DOCK9: variants seen among roughly 807,000 people sequenced by gnomAD.
The protein encoded by DOCK9 is dedicator of cytokinesis 9.
DOCK9 carries 89 observed loss-of-function variants against 263.3 expected under a neutral mutation model. That is an observed-to-expected ratio of 0.34 (90% CI 0.28 to 0.40). The LOEUF is 0.40. Ranked by LOEUF, DOCK9 falls within the 10% of genes least tolerant of loss-of-function variation. The probability of loss-of-function intolerance (pLI) is 1.00; values close to 1 mark genes in which losing one functional copy is unlikely to be tolerated. For missense variants in DOCK9, 2,140 were observed against 2,603.4 expected, an observed-to-expected ratio of 0.82 and a Z score of 3.87; for synonymous variants, 976 against 973.1, an observed-to-expected ratio of 1.00 and a Z score of -0.06.
intron 1 of DOCK9, among the ~76,000 whole-genome samples, chr13:99,010,243 C>G (rs1163293909): frequency 6.6e-6 from 1 of 152,194 alleles, no homozygotes. Flanking sequence ...TGAGAATAAT[C>G]CATCAGCTCT....
chr13:99,057,152 C>T (rs1031825411), intron 1 of DOCK9, among the ~76,000 whole-genome samples: 1 of 152,138 alleles, frequency 6.6e-6, no homozygotes, highest in East Asian at 1.9e-4. Context: ...AGCTGGACCC[C>T]CACCCTTTAG....
chr13:99,081,519 C>G (rs928562112), intron 1 of DOCK9, among the ~76,000 whole-genome samples: 1 of 152,174 alleles, frequency 6.6e-6, no homozygotes, highest in Non-Finnish European at 1.5e-5. Context: ...GTAAGGAAGC[C>G]GGGCAGCCAG....
At chr13:99,074,044 T>C (rs1029421482) in intron 1 of DOCK9, among the ~76,000 whole-genome samples, 28 of 152,264 alleles carry the variant, frequency 1.8e-4, no homozygotes, top group African/African-American at 6.5e-4. Context: ...TTCCTTTCTA[T>C]AGCAATCCTG....
intron 1 of DOCK9, among the ~76,000 whole-genome samples, chr13:99,082,391 C>T (rs1338822090): frequency 1.3e-5 from 2 of 150,520 alleles, no homozygotes; most frequent in East Asian, 2.0e-4. Context: ...TGGTGGTGGG[C>T]GCCTATAATC....
At chr13:98,987,785 A>C (rs1451465646) in intron 1 of DOCK9, among the ~76,000 whole-genome samples, 3 of 152,250 alleles carry the variant, frequency 2.0e-5, no homozygotes, top group African/African-American at 2.4e-5. Flanking sequence ...ATGTTCCAAA[A>C]TTAACATAAC....
intron 38 of DOCK9, chr13:98,845,368 T>G: frequency 7.4e-7 from 1 of 1,358,822 alleles, no homozygotes; most frequent in Non-Finnish European, 9.8e-7. Context: ...GATATCTTTC[T>G]CACACTGAAA....
Position 98,816,174 on chromosome 13 carries a change from C to T in DOCK9, c.5131-5883G>A, listed in dbSNP as rs2091829954. Among the ~76,000 whole-genome samples, 4 of 152,162 alleles carry T rather than the reference C, an allele frequency of 2.6e-5. No individual in the cohort carries two copies. In the South Asian group the frequency reaches 8.3e-4, roughly 32 times the overall value. ...GTTTCTATAATTTATAAAAATTACT[C>T]AATAGATTTTTACCAAATGTGAAGG... On this transcript the variant is annotated intron_variant, in intron 45 of 52. Transcript: ENST00000682017.
chr13:99,008,480 T>A (rs1883889746), intron 1 of DOCK9, among the ~76,000 whole-genome samples: 1 of 152,048 alleles, frequency 6.6e-6, no homozygotes, highest in Non-Finnish European at 1.5e-5. Context: ...GTGATCTGCT[T>A]GCCTTGACCT....
At chr13:99,053,686 T>C (rs2040801471) in intron 1 of DOCK9, among the ~76,000 whole-genome samples, 1 of 152,122 alleles carries the variant, frequency 6.6e-6, no homozygotes, top group African/African-American at 2.4e-5. Flanking sequence ...GGGTTCTCCT[T>C]CCTGCCAGGG....
chr13:99,003,388 T>C (rs1182237483), intron 1 of DOCK9, among the ~76,000 whole-genome samples: 1 of 152,146 alleles, frequency 6.6e-6, no homozygotes, highest in African/African-American at 2.4e-5. Context: ...CCTTGGCTCT[T>C]TGCCTTCTGA....
intron 23 of DOCK9, among the ~76,000 whole-genome samples, chr13:98,882,354 G>A (rs2044923662): frequency 6.6e-6 from 1 of 152,178 alleles, no homozygotes; most frequent in Non-Finnish European, 1.5e-5. Context: ...CTGTGTGGCT[G>A]TCTTTGAGAT....
chr13:98,919,901 CCT>C (rs1197493997), intron 7 of DOCK9, among the ~76,000 whole-genome samples: 1 of 152,230 alleles, frequency 6.6e-6, no homozygotes, highest in Non-Finnish European at 1.5e-5. Flanking sequence ...ATCCCAATCC[CCT>C]GTTCATCTTT....
In DOCK9 at chr13:98,829,638, C is replaced by T. The variant is rs368043536; in HGVS notation, c.4749+5G>A. 3.1e-6 allele frequency: 5 copies of T among 1,597,796 alleles called. No individual in the cohort carries two copies. The highest frequency in any genetic ancestry group is 4.3e-6 in the Non-Finnish European group (5 of 1,171,478). ...GGTGAAACTAACATGGGCCAGGCTA[C>T]CCACCTTAATAAGCCGGTCACTGTT... On this transcript the variant is annotated splice_donor_5th_base_variant and intron_variant, in intron 42 of 52. Coordinates refer to ENST00000682017, the MANE Select transcript of DOCK9 (RefSeq NM_001366683.2). This position sits in a 1 kb window ranked among gnomAD's most constrained non-coding sequence, Gnocchi z 4.1.
At chr13:99,034,345 C>A (rs1438443524) in intron 1 of DOCK9, among the ~76,000 whole-genome samples, 1 of 152,156 alleles carries the variant, frequency 6.6e-6, no homozygotes, top group African/African-American at 2.4e-5. Flanking sequence ...CAAACTGAAG[C>A]TGAAGCTCCC....
rs1231678912 is a variant in DOCK9 at position 98,831,343 on chromosome 13, C to T, written c.4635+5G>A. 5 of 1,598,904 alleles carry T rather than the reference C, an allele frequency of 3.1e-6. No homozygotes were observed. The highest frequency in any genetic ancestry group is 2.6e-6 in the Non-Finnish European group (3 of 1,171,940). ...ATCTGTATTGGAAAGCTAAACCACA[C>T]GCACTTGCAAATGTGTCCGGACAAA... is the stretch of plus-strand genomic sequence containing the variant. On this transcript the variant is annotated splice_donor_5th_base_variant and intron_variant, in intron 41 of 52. Coordinates refer to ENST00000682017, the MANE Select transcript of DOCK9 (RefSeq NM_001366683.2).
At chr13:98,868,073 A>C in intron 28 of DOCK9, 62 bp from the exon 29 acceptor site, 1 of 1,565,696 alleles carries the variant, frequency 6.4e-7, no homozygotes, top group African/African-American at 1.4e-5. Context: ...ATTTGGATTC[A>C]AAGCAGCATT....
At chr13:99,053,211 C>T (rs2040781647) in intron 1 of DOCK9, among the ~76,000 whole-genome samples, 1 of 152,138 alleles carries the variant, frequency 6.6e-6, no homozygotes, top group Admixed American at 6.5e-5. Context: ...GAATTATGTC[C>T]ACAGTAACTT....
intron 1 of DOCK9, among the ~76,000 whole-genome samples, chr13:99,084,546 G>A (rs560220055): frequency 1.0e-3 from 155 of 152,298 alleles, no homozygotes; most frequent in Non-Finnish European, 1.2e-3. Flanking sequence ...TCACACGTGG[G>A]AATGGACACT....
chr13:98,923,942 A>G (rs1046809095), intron 4 of DOCK9, among the ~76,000 whole-genome samples: 5 of 152,214 alleles, frequency 3.3e-5, no homozygotes, highest in Admixed American at 3.3e-4. Flanking sequence ...GGCAGAACAC[A>G]GAATCTGTGT....
Sources: gnomAD v4.1 joint callset for allele counts (sites outside exome capture counted in the v4.1 genomes callset) on GRCh38, gnomAD v4.1.1 for gene constraint, Gnocchi (gnomAD v3.1) non-coding constraint, MANE v1.5 for transcripts, NCBI Gene and HGNC (gene_info 2026-07-23, HGNC 2026-07-21) for gene names.